The following RIN2 variants were observed in gnomAD, a reference collection of about 807,000 sequenced individuals.
The protein encoded by RIN2 is RAB5 interacting protein 2.
Under a neutral mutation model 78.0 loss-of-function variants are expected in RIN2, and 36 were observed. That is an observed-to-expected ratio of 0.46 (90% CI 0.35 to 0.61). RIN2 has a LOEUF of 0.61. Among genes scored for constraint, RIN2 ranks in the 20% least tolerant of loss-of-function variants. The probability of loss-of-function intolerance (pLI) is 0.00; values close to 1 mark genes in which losing one functional copy is unlikely to be tolerated. For missense variants in RIN2, 1,087 were observed against 1,159.7 expected (o/e 0.94, Z 0.91); for synonymous variants, 466 against 466.8 (o/e 1.00, Z 0.02).
At chr20:19,950,706 C>CCATTT (rs1245043238) in intron 4 of RIN2, among the ~76,000 whole-genome samples, 2 of 151,810 alleles carry the variant, frequency 1.3e-5, no homozygotes, top group African/African-American at 2.4e-5. Flanking sequence ...AGGAAATTCT[C>CCATTT]CATTTTATTT....
At chr20:19,813,799 G>C (rs144359047) in intron 2 of RIN2, among the ~76,000 whole-genome samples, 1 of 152,272 alleles carries the variant, frequency 6.6e-6, no homozygotes, top group African/African-American at 2.4e-5. Flanking sequence ...TGTGTCACCT[G>C]TTGTATCATA....
At chr20:19,960,631 G>A in intron 5 of RIN2, 69 bp from the exon 6 acceptor site, 2 of 1,173,650 alleles carry the variant, frequency 1.7e-6, no homozygotes, top group Non-Finnish European at 2.5e-6. Context: ...GAGTGTGAGG[G>A]AAACCAGATG....
At chr20:19,972,290 G>A (rs1016965070) in intron 8 of RIN2, among the ~76,000 whole-genome samples, 1 of 152,052 alleles carries the variant, frequency 6.6e-6, no homozygotes, top group Non-Finnish European at 1.5e-5. Flanking sequence ...GATGTGCACC[G>A]GGTCTCAGTT....
intron 2 of RIN2, among the ~76,000 whole-genome samples, chr20:19,839,016 C>A (rs535120812): frequency 6.6e-6 from 1 of 152,146 alleles, no homozygotes; most frequent in African/African-American, 2.4e-5. Flanking sequence ...TGATTGGGAA[C>A]AGGATTCCAG....
At chr20:19,894,111 G>A (rs1370296433) in intron 3 of RIN2, among the ~76,000 whole-genome samples, 1 of 152,106 alleles carries the variant, frequency 6.6e-6, no homozygotes, top group Non-Finnish European at 1.5e-5. Flanking sequence ...GTGGTGGGGA[G>A]AAGGGGTAAC....
At chr20:19,965,929 C>T (rs921072184) in intron 7 of RIN2, among the ~76,000 whole-genome samples, 20 of 152,130 alleles carry the variant, frequency 1.3e-4, no homozygotes, top group African/African-American at 4.8e-4. Context: ...AGAATATTAA[C>T]CAGAGTCAAC....
In RIN2 at chr20:19,807,949, G is replaced by A. The variant is rs532103091; in HGVS notation, c.-37+8202G>A. ...AGACTTGCAGTTTTATGCTTTTTGT[G>A]AGTTATAAGTCATAAAGCATATGCT... On this transcript the variant is annotated intron_variant, in intron 2 of 12. Coordinates refer to ENST00000255006, the MANE Select transcript of RIN2 (RefSeq NM_018993.4). Among the ~76,000 whole-genome samples the A allele has an allele frequency of 9.6e-4, 146 of 152,242 alleles. 1 individual carries two copies. Among genetic ancestry groups the A allele is most frequent in the Admixed American group, 9.8e-4 (15 of 15,298 alleles).
intron 2 of RIN2, among the ~76,000 whole-genome samples, chr20:19,881,610 A>G (rs1007562881): frequency 6.6e-6 from 1 of 152,176 alleles, no homozygotes; most frequent in Non-Finnish European, 1.5e-5. Context: ...AGCCCCTCAC[A>G]GAGTCACCCA....
chr20:19,863,373 C>T lies in RIN2; in HGVS notation c.-36-26193C>T, dbSNP rs187709304. Among the ~76,000 whole-genome samples, 26 of 152,294 alleles carry T rather than the reference C, an allele frequency of 1.7e-4. No homozygotes were observed. In the South Asian group the frequency reaches 1.9e-3, roughly 11 times the overall value. On this transcript the variant is annotated intron_variant, in intron 2 of 12. Coordinates refer to ENST00000255006, the MANE Select transcript of RIN2 (RefSeq NM_018993.4). ...CCCTGGGCCTTATCATTGCAGCTCA[C>T]ACCAACTTGACTGCTGGCTGCTTGC...
At chr20:19,806,925 C>G (rs1224714532) in intron 2 of RIN2, among the ~76,000 whole-genome samples, 4 of 152,192 alleles carry the variant, frequency 2.6e-5, no homozygotes, top group Non-Finnish European at 5.9e-5. Context: ...TTAGCTCATG[C>G]AAACAGAGGT....
chr20:19,982,586 C>T (rs1283447052), intron 9 of RIN2, among the ~76,000 whole-genome samples: 2 of 152,192 alleles, frequency 1.3e-5, no homozygotes, highest in Non-Finnish European at 2.9e-5. Flanking sequence ...CTGCTGTTCC[C>T]GACTTGTGGG....
At chr20:19,758,943 T>C (rs1219040548) in intron 1 of RIN2, among the ~76,000 whole-genome samples, 1 of 152,216 alleles carries the variant, frequency 6.6e-6, no homozygotes, top group East Asian at 1.9e-4. Flanking sequence ...GCACTTGGGC[T>C]GTCGCGGTGA....
At chr20:19,906,791 A>C (rs1244084151) in intron 3 of RIN2, among the ~76,000 whole-genome samples, 1 of 152,220 alleles carries the variant, frequency 6.6e-6, no homozygotes, top group African/African-American at 2.4e-5. Context: ...TAACTCTAAA[A>C]GACAAGACAA....
At chr20:19,830,778 C>T (rs974853836) in intron 2 of RIN2, among the ~76,000 whole-genome samples, 3 of 152,172 alleles carry the variant, frequency 2.0e-5, no homozygotes, top group African/African-American at 7.2e-5. Flanking sequence ...TGCCACCAGC[C>T]CCTGCAGGGG....
intron 1 of RIN2, among the ~76,000 whole-genome samples, chr20:19,763,870 A>G (rs2033755494): frequency 6.6e-6 from 1 of 152,218 alleles, no homozygotes; most frequent in Admixed American, 6.5e-5. Context: ...TGGACTTTAT[A>G]GTATCCAAAT....
chr20:19,785,975 A>G (rs1338610444), intron 1 of RIN2, among the ~76,000 whole-genome samples: 2 of 152,214 alleles, frequency 1.3e-5, no homozygotes, highest in African/African-American at 4.8e-5. Flanking sequence ...AGCAGCTTAG[A>G]AATGCTTCGC....
intron 3 of RIN2, among the ~76,000 whole-genome samples, chr20:19,915,591 C>T (rs2039652056): frequency 6.6e-6 from 1 of 152,224 alleles, no homozygotes; most frequent in African/African-American, 2.4e-5. Flanking sequence ...CAGCAGATGT[C>T]CGCATCAGAG....
chr20:19,858,675 G>A (rs1468200809), intron 2 of RIN2, among the ~76,000 whole-genome samples: 7 of 152,162 alleles, frequency 4.6e-5, no homozygotes, highest in Non-Finnish European at 7.3e-5. Flanking sequence ...TCCAGGAAAT[G>A]AAACCTCCAT....
chr20:19,808,721 G>C (rs1455532520), intron 2 of RIN2, among the ~76,000 whole-genome samples: 1 of 152,180 alleles, frequency 6.6e-6, no homozygotes, highest in Non-Finnish European at 1.5e-5. Flanking sequence ...GCCACGGAAG[G>C]CCTGCTGCTC....
Sources: allele counts gnomAD v4.1 joint callset (sites outside exome capture counted in the v4.1 genomes callset), GRCh38; gene constraint gnomAD v4.1.1; transcripts MANE v1.5; gene names NCBI Gene and HGNC (gene_info 2026-07-23, HGNC 2026-07-21).